Variants in KIAA1958 observed in about 807,000 individuals in gnomAD.
The protein encoded by KIAA1958 is uncharacterized protein KIAA1958.
Under a neutral mutation model 47.2 loss-of-function variants are expected in KIAA1958, and 14 were observed. The observed-to-expected ratio is 0.30, with a 90% confidence interval of 0.20 to 0.46. KIAA1958 has a LOEUF of 0.46. Ranked by LOEUF, KIAA1958 falls within the 20% of genes least tolerant of loss-of-function variation. The pLI is 1.00. For missense variants in KIAA1958, 803 were observed against 909.2 expected (o/e 0.88, Z 1.50); for synonymous variants, 354 against 353.3 (o/e 1.00, Z -0.02).
rs143845453 is a variant in KIAA1958 at position 112,493,397 on chromosome 9, T to G, written c.-25+6279T>G. On this transcript the variant is annotated intron_variant, in intron 1 of 3. Transcript: ENST00000337530. ...CCTCTTCACATCTGTGTCTTTTCTT[T>G]TATTCCTTAGCTCAGTGAGTTGGTA... is the stretch of plus-strand genomic sequence containing the variant. Among the ~76,000 whole-genome samples the G allele has an allele frequency of 2.0e-4, 30 of 152,344 alleles. No individual in the cohort carries two copies. The East Asian group carries it at 5.8e-3, about 29-fold the overall frequency.
chr9:112,567,976 A>C (rs1474424172), intron 1 of KIAA1958, among the ~76,000 whole-genome samples: 2 of 151,808 alleles, frequency 1.3e-5, no homozygotes, highest in Non-Finnish European at 2.9e-5. Context: ...AAAAAAAAAA[A>C]AAAAAAAATC....
intron 2 of KIAA1958, among the ~76,000 whole-genome samples, chr9:112,606,262 A>G (rs866377426): frequency 3.4e-4 from 51 of 152,180 alleles, no homozygotes; most frequent in African/African-American, 1.1e-3. Context: ...CTGGGTACAG[A>G]TGTTGATTAG....
At chr9:112,521,472 C>G (rs1366144073) in intron 1 of KIAA1958, among the ~76,000 whole-genome samples, 1 of 152,078 alleles carries the variant, frequency 6.6e-6, no homozygotes, top group African/African-American at 2.4e-5. Context: ...CGTTGGCCTC[C>G]CAAAGAGCTA....
Position 112,663,479 on chromosome 9 carries a change from C to T in KIAA1958, c.*3410C>T, listed in dbSNP as rs1018121004. The T allele has an allele frequency of 9.9e-5, 15 of 152,154 alleles. No homozygotes were observed. The highest frequency in any genetic ancestry group is 1.9e-4 in the Non-Finnish European group (13 of 68,028). 9.4% of individuals were successfully genotyped at this position (152,154 alleles called of 1,614,324 possible). A position where few individuals can be genotyped will look rare whatever the true frequency, so the allele number is the denominator to read the frequency against. ...ATTTCTTCCATTATGGAGATTCTGT[C>T]TCCCTTAAACTGTTAAACTTGAAGA... On this transcript the variant is annotated 3_prime_UTR_variant, in exon 4 of 4. Coordinates refer to ENST00000337530, the MANE Select transcript of KIAA1958 (RefSeq NM_133465.4).
chr9:112,513,486 C>CTTAGGGAG (rs1288220827), intron 1 of KIAA1958, among the ~76,000 whole-genome samples: 18 of 21,456 alleles, frequency 8.4e-4, no homozygotes, highest in Admixed American at 1.0e-3. Flanking sequence ...GGGTCGGTGG[C>CTTAGGGAG]CGCGGCTGGT....
chr9:112,644,918 C>G (rs994858636), intron 2 of KIAA1958, among the ~76,000 whole-genome samples: 1 of 152,070 alleles, frequency 6.6e-6, no homozygotes, highest in Non-Finnish European at 1.5e-5. Flanking sequence ...GGTGGATCAC[C>G]TGAGGTCAGC....
At chr9:112,566,097 G>A (rs911024021) in intron 1 of KIAA1958, among the ~76,000 whole-genome samples, 5 of 151,940 alleles carry the variant, frequency 3.3e-5, no homozygotes, top group African/African-American at 1.2e-4. Flanking sequence ...TAGAGACGGG[G>A]TTTCACCATG....
In KIAA1958 at chr9:112,574,271, G is replaced by T; in HGVS notation, c.191G>T (p.Cys64Phe). 1 of 1,614,088 alleles carries T rather than the reference G, an allele frequency of 6.2e-7. No individual in the cohort carries two copies. Among genetic ancestry groups the T allele is most frequent in the East Asian group, 2.2e-5 (1 of 44,876 alleles). ...TATCACTGGCCACTAACAGCTACTT[G>T]CAGAGCTGGGTCCCAAGAGAGGGTC... ...HAYHWPLTAT[C>F]RAGSQERVCF... The change falls in exon 2 of 4, where the codon TGC (cysteine) becomes TTC (phenylalanine). Residue 64 changes from cysteine to phenylalanine, a missense_variant. Physicochemically the swap from Cys to Phe is radical, Grantham distance 205. This residue lies in a region of KIAA1958 where 42 missense variants were observed against 79.9 expected (regional missense o/e 0.53). Transcript: ENST00000337530.
intron 2 of KIAA1958, among the ~76,000 whole-genome samples, chr9:112,634,351 C>T (rs1048414519): frequency 6.6e-6 from 1 of 152,106 alleles, no homozygotes; most frequent in South Asian, 2.1e-4. Flanking sequence ...GCCTCAGCCT[C>T]CCGAGTAGCT....
chr9:112,548,829 G>C (rs891337201), intron 1 of KIAA1958, among the ~76,000 whole-genome samples: 1 of 152,160 alleles, frequency 6.6e-6, no homozygotes, highest in African/African-American at 2.4e-5. Context: ...GTTAAAATGA[G>C]GTCTTTAGGC....
chr9:112,618,180 C>T lies in KIAA1958; in HGVS notation c.1172-27470C>T. On this transcript the variant is annotated intron_variant, in intron 2 of 3. Coordinates refer to ENST00000337530, the MANE Select transcript of KIAA1958 (RefSeq NM_133465.4). The surrounding 1 kb of genome is among the most constrained non-coding windows in gnomAD (Gnocchi z 7.1). ...ACCAGGGATAAGGAATTCAAGCGTT[C>T]CCAAGAGGCCCTGAAGCAGAAGCAA... 6.4e-7 allele frequency: 1 copy of T among 1,550,532 alleles called. No homozygotes were observed. The highest frequency in any genetic ancestry group is 8.7e-7 in the Non-Finnish European group (1 of 1,146,998).
At chr9:112,522,545 G>A (rs116630520) in intron 1 of KIAA1958, among the ~76,000 whole-genome samples, 1,900 of 152,144 alleles carry the variant, frequency 0.012, 38 homozygotes, top group African/African-American at 0.043. Flanking sequence ...TCTTTGTTGG[G>A]GCCATGATTC....
intron 1 of KIAA1958, among the ~76,000 whole-genome samples, chr9:112,553,044 A>G (rs1205146010): frequency 6.6e-6 from 1 of 151,216 alleles, no homozygotes; most frequent in Non-Finnish European, 1.5e-5. Flanking sequence ...TTGAATCCTG[A>G]TTCCTTCCCC....
In KIAA1958 at chr9:112,665,003, C is replaced by G. The variant is rs1233031571; in HGVS notation, c.*4934C>G. ...AAGTTCTCCATGTTCAGTGGTTGAC[C>G]AGAATCTGATTGTTGCGCTCAATTA... On this transcript the variant is annotated 3_prime_UTR_variant, in exon 4 of 4. Transcript: ENST00000337530. 6.6e-6 allele frequency: 1 copy of G among 151,332 alleles called. No homozygotes were observed. The highest frequency in any genetic ancestry group is 1.5e-5 in the Non-Finnish European group (1 of 67,948). 9.4% of individuals were successfully genotyped at this position (151,332 alleles called of 1,614,324 possible).
rs146666897 is a variant in KIAA1958, at chr9:112,659,711, C to T, written c.1793C>T (p.Thr598Met). 1.4e-5 allele frequency: 23 copies of T among 1,614,198 alleles called. No homozygotes were observed. Among genetic ancestry groups the T allele is most frequent in the South Asian group, 4.4e-5 (4 of 91,084 alleles). Residue 598 changes from threonine to methionine, a missense_variant, in exon 4 of 4, where the codon ACG (threonine) becomes ATG (methionine). Thr to Met is a moderately conservative substitution (Grantham distance 81). This residue lies in a region of KIAA1958 where 761 missense variants were observed against 829.3 expected (regional missense o/e 0.92). Transcript: ENST00000337530. ...DPQNQPYFAR[T>M]DSVKRESRSG... ...CAAAACCAGCCCTACTTTGCCCGGA[C>T]GGACAGCGTCAAGCGGGAGAGTCGG...
intron 1 of KIAA1958, among the ~76,000 whole-genome samples, chr9:112,561,008 G>T (rs1298581469): frequency 6.6e-6 from 1 of 151,488 alleles, no homozygotes; most frequent in African/African-American, 2.4e-5. Context: ...AATGGAACAG[G>T]TTTTTATGGT....
intron 1 of KIAA1958, among the ~76,000 whole-genome samples, chr9:112,544,876 AT>A (rs1367477565): frequency 6.6e-6 from 1 of 152,102 alleles, no homozygotes; most frequent in Non-Finnish European, 1.5e-5. Flanking sequence ...AGGAAAAGAA[AT>A]TTTCCCCAGC....
intron 2 of KIAA1958, among the ~76,000 whole-genome samples, chr9:112,594,113 C>G (rs547017515): frequency 6.6e-6 from 1 of 152,138 alleles, no homozygotes; most frequent in African/African-American, 2.4e-5. Flanking sequence ...AGTCCTTCCA[C>G]CTCAGCTTCC....
At chr9:112,578,676 A>G (rs1835689632) in intron 2 of KIAA1958, among the ~76,000 whole-genome samples, 1 of 152,186 alleles carries the variant, frequency 6.6e-6, no homozygotes, top group South Asian at 2.1e-4. Context: ...AGATAAAATC[A>G]TTAATTTTCA....
Sources: allele counts gnomAD v4.1 joint callset (sites outside exome capture counted in the v4.1 genomes callset), GRCh38; gene constraint gnomAD v4.1.1; regional missense constraint gnomAD v4.1.1; non-coding constraint Gnocchi (gnomAD v3.1); transcripts MANE v1.5; gene names NCBI Gene and HGNC (gene_info 2026-07-23, HGNC 2026-07-21).